The following EDN1 variants were observed in gnomAD, a reference collection of about 807,000 sequenced individuals.
EDN1 encodes the protein endothelin-1.
A neutral mutation model predicts 21.7 loss-of-function variants in EDN1; 11 were observed. That is an observed-to-expected ratio of 0.51 (90% CI 0.32 to 0.84). The LOEUF (loss-of-function observed/expected upper bound fraction) is 0.84. Among genes scored for constraint, EDN1 ranks in the 40% least tolerant of loss-of-function variants. EDN1 has a pLI of 0.03. For synonymous variants in EDN1, 85 were observed against 90.6 expected (o/e 0.94, Z 0.35); for missense variants, 244 against 262.3 (o/e 0.93, Z 0.48).
upstream of EDN1, among the ~76,000 whole-genome samples, chr6:12,289,310 C>T (rs1415671993): frequency 6.6e-6 from 1 of 151,768 alleles, no homozygotes; most frequent in Non-Finnish European, 1.5e-5. Context: ...AATGAAGACA[C>T]CCCCCCAAAA....
chr6:12,269,372 A>C, the EDN1 span, among the ~76,000 whole-genome samples: 1 of 151,398 alleles, frequency 6.6e-6, no homozygotes, highest in Non-Finnish European at 1.5e-5. Flanking sequence ...GTTTTTAATG[A>C]AAGTGCCGAA....
chr6:12,276,175 A>C, the EDN1 span, among the ~76,000 whole-genome samples: 1 of 151,064 alleles, frequency 6.6e-6, no homozygotes, highest in African/African-American at 2.4e-5. Context: ...AAAAAAAAAA[A>C]AAAAAAAAAA....
the EDN1 span, among the ~76,000 whole-genome samples, chr6:12,248,818 G>A: frequency 5.9e-5 from 9 of 152,310 alleles, no homozygotes; most frequent in Admixed American, 1.3e-4. Flanking sequence ...CACCACCACT[G>A]TTGCTAGTTG....
chr6:12,252,892 A>T, the EDN1 span, among the ~76,000 whole-genome samples: 1 of 152,158 alleles, frequency 6.6e-6, no homozygotes, highest in Non-Finnish European at 1.5e-5. Flanking sequence ...ACCTGTATTG[A>T]AAAAGAAGAA....
At chr6:12,231,188 C>T in the EDN1 span, among the ~76,000 whole-genome samples, 5 of 152,334 alleles carry the variant, frequency 3.3e-5, no homozygotes, top group African/African-American at 1.2e-4. Context: ...CCTGCTTCTC[C>T]GCAGCACTTA....
At chr6:12,267,063 C>A in the EDN1 span, among the ~76,000 whole-genome samples, 2 of 152,200 alleles carry the variant, frequency 1.3e-5, no homozygotes, top group African/African-American at 4.8e-5. Flanking sequence ...ATTGTACATG[C>A]AGGTATACCT....
At position 12,294,011 on chromosome 6, in the gene EDN1, G is replaced by A. The variant is rs1273930303; in HGVS notation, c.304G>A (p.Ala102Thr). 1.2e-6 allele frequency: 2 copies of A among 1,614,204 alleles called. No homozygotes were observed. The highest frequency in any genetic ancestry group is 1.7e-5 in the Admixed American group (1 of 60,020). ...RALENLLPTKATDRENRCQCA... is the reference protein window; with the variant it reads ...RALENLLPTKTTDRENRCQCA... Reference sequence around the variant, plus strand: ...CTTGGAGAATTTACTTCCCACAAAGGCAACAGACCGTGAAAATAGATGCCA... The same window carrying A: ...CTTGGAGAATTTACTTCCCACAAAGACAACAGACCGTGAAAATAGATGCCA... Residue 102 changes from alanine (A) to threonine (T), a missense_variant, in exon 3 of 5, where the codon GCA (alanine) becomes ACA (threonine). Coordinates refer to ENST00000379375, the MANE Select transcript of EDN1 (RefSeq NM_001955.5).
the EDN1 span, among the ~76,000 whole-genome samples, chr6:12,258,467 A>AAAAAAAG: frequency 1.3e-5 from 2 of 151,232 alleles, no homozygotes; most frequent in African/African-American, 2.4e-5. Flanking sequence ...AAAAAAAAAA[A>AAAAAAAG]AAAAGCCAAT....
the EDN1 span, among the ~76,000 whole-genome samples, chr6:12,255,317 G>A: frequency 1.3e-5 from 2 of 152,076 alleles, no homozygotes; most frequent in African/African-American, 4.8e-5. Context: ...AGAGAAATAG[G>A]TTAGCATACT....
At chr6:12,257,863 C>T in the EDN1 span, among the ~76,000 whole-genome samples, 1 of 152,170 alleles carries the variant, frequency 6.6e-6, no homozygotes, top group Non-Finnish European at 1.5e-5. Flanking sequence ...TTGTATGCTG[C>T]AGATAATAGT....
upstream of EDN1, among the ~76,000 whole-genome samples, chr6:12,287,807 G>A (rs2113789738): frequency 6.6e-6 from 1 of 151,052 alleles, no homozygotes; most frequent in African/African-American, 2.4e-5. Flanking sequence ...GATTCAAAGA[G>A]ACAGGGGCAC....
chr6:12,290,859 TA>T (rs1488129960), intron 1 of EDN1, among the ~76,000 whole-genome samples, 166 bp downstream of exon 1: 4 of 151,486 alleles, frequency 2.6e-5, no homozygotes, highest in African/African-American at 9.7e-5. Flanking sequence ...TCTTCTAGTG[TA>T]AAATGTAAAA....
At chr6:12,289,687 GAA>G (rs1762626021), upstream of EDN1, among the ~76,000 whole-genome samples, 2 of 152,310 alleles carry the variant, frequency 1.3e-5, no homozygotes, top group South Asian at 4.1e-4. Flanking sequence ...CAGTGATAGG[GAA>G]AAGACTGGGC....
the EDN1 span, among the ~76,000 whole-genome samples, chr6:12,267,300 T>C: frequency 6.6e-6 from 1 of 152,224 alleles, no homozygotes; most frequent in South Asian, 2.1e-4. Context: ...TTGATGTTAC[T>C]ATTATAATTG....
chr6:12,256,634 A>T, the EDN1 span, among the ~76,000 whole-genome samples: 4 of 152,198 alleles, frequency 2.6e-5, no homozygotes, highest in Non-Finnish European at 5.9e-5. Context: ...TCTCCCTATG[A>T]GCTCCCGCAT....
At chr6:12,241,500 G>A in the EDN1 span, among the ~76,000 whole-genome samples, 3 of 151,512 alleles carry the variant, frequency 2.0e-5, no homozygotes, top group East Asian at 5.8e-4. Flanking sequence ...GATGGCTCAA[G>A]GAGAGGAAAA....
the EDN1 span, among the ~76,000 whole-genome samples, chr6:12,239,206 G>A: frequency 1.5e-4 from 23 of 152,242 alleles, no homozygotes; most frequent in East Asian, 9.6e-4. Flanking sequence ...TCAATCATTC[G>A]TGTTCCTTTC....
At chr6:12,287,670 C>T (rs977029700), upstream of EDN1, among the ~76,000 whole-genome samples, 1 of 144,750 alleles carries the variant, frequency 6.9e-6, no homozygotes, top group Non-Finnish European at 1.5e-5. Flanking sequence ...CTTCTCTTCT[C>T]CTATCTCTCT....
the EDN1 span, among the ~76,000 whole-genome samples, chr6:12,245,331 G>A: frequency 1.8e-4 from 27 of 152,296 alleles, no homozygotes; most frequent in African/African-American, 6.5e-4. Flanking sequence ...GGTGGAACTG[G>A]GTAGCTCTCC....
Sources: allele counts gnomAD v4.1 joint callset (sites outside exome capture counted in the v4.1 genomes callset), GRCh38; gene constraint gnomAD v4.1.1; transcripts MANE v1.5; gene names NCBI Gene and HGNC (gene_info 2026-07-23, HGNC 2026-07-21).